The following MS4A5 variants were observed in gnomAD, a reference collection of about 807,000 sequenced individuals.
MS4A5 encodes the protein membrane spanning 4-domains A5.
Under a neutral mutation model 18.2 loss-of-function variants are expected in MS4A5, and 15 were observed. The observed-to-expected ratio is 0.83, with a 90% CI of 0.55 to 1.27. The LOEUF (loss-of-function observed/expected upper bound fraction) is 1.27. Among genes scored for constraint, MS4A5 ranks in the 50% most tolerant of loss-of-function variants. MS4A5 has a pLI of 0.00. For synonymous variants in MS4A5, 89 were observed against 78.7 expected, an observed-to-expected ratio of 1.13 and a Z score of -0.69; for missense variants, 232 against 225.7, an observed-to-expected ratio of 1.03 and a Z score of -0.18.
In MS4A5 at chr11:60,433,928, T is replaced by C; in HGVS notation, c.492+11T>C. 1 of 1,612,968 alleles carries C rather than the reference T, an allele frequency of 6.2e-7. No homozygotes were observed. Among genetic ancestry groups the C allele is most frequent in the East Asian group, 2.2e-5 (1 of 44,856 alleles). ...ACTGTCCTGTTCTTGGTAAGTATGT[T>C]GCATTTATAGAGTGATGAGTAAAGG... On this transcript the variant is annotated intron_variant, in intron 4 of 4. Transcript: ENST00000300190.
At chr11:60,444,553 A>G (rs187369073) in intron 4 of MS4A5, among the ~76,000 whole-genome samples, 12 of 152,346 alleles carry the variant, frequency 7.9e-5, no homozygotes, top group Non-Finnish European at 1.5e-4. Context: ...TCCAGAATAT[A>G]TTAAGCACTC....
rs1343545659 is a variant in MS4A5 at position 60,429,697 on chromosome 11, G to T, written c.23G>T (p.Ser8Ile). 6.2e-7 allele frequency: 1 copy of T among 1,613,574 alleles called. No individual in the cohort carries two copies. Among genetic ancestry groups the T allele is most frequent in the Non-Finnish European group, 8.5e-7 (1 of 1,179,868 alleles). MDSSTAHSPVFLVFPPEI... is the reference protein window; with the variant it reads MDSSTAHIPVFLVFPPEI... ...ATCATGGATTCAAGCACCGCACACA[G>T]TCCGGTGTTTCTGGTATTTCCTCCA... The change falls in exon 1 of 5, where the codon AGT becomes ATT. Residue 8 changes from serine (S) to isoleucine (I), a missense_variant. Physicochemically the swap from Ser to Ile is moderately radical, Grantham distance 142 (BLOSUM62 -2). Transcript: ENST00000300190.
At chr11:60,437,977 TC>T (rs1332671949) in intron 4 of MS4A5, among the ~76,000 whole-genome samples, 1 of 152,170 alleles carries the variant, frequency 6.6e-6, no homozygotes, top group Non-Finnish European at 1.5e-5. Context: ...TACATTTTTT[TC>T]AGCACCACAC....
intron 4 of MS4A5, among the ~76,000 whole-genome samples, chr11:60,441,468 G>GAAAAAGGCAATTAAAAAAAAAAAAGA (rs2086111989): frequency 9.7e-6 from 1 of 103,454 alleles, no homozygotes; most frequent in Non-Finnish European, 2.0e-5. Context: ...AAAAAAAAAA[G>GAAAAAGGCAATTAAAAAAAAAAAAGA]AAAAAAAAAG....
In MS4A5 at chr11:60,432,452, A is replaced by C; in HGVS notation, c.324A>C (p.Lys108Asn). 6.3e-7 allele frequency: 1 copy of C among 1,588,998 alleles called. No individual in the cohort carries two copies. The highest frequency in any genetic ancestry group is 8.6e-7 in the Non-Finnish European group (1 of 1,159,884). ...SGAFLIAVKR[K>N]TTETLIILSR... ...CCTTCCTAATTGCAGTGAAAAGAAA[A>C]ACCACAGAAACTCTGGTGAGTTATA... The change falls in exon 3 of 5, where the codon AAA (lysine) becomes AAC (asparagine). Residue 108 changes from lysine (K) to asparagine (N), a missense_variant. Lys to Asn is a moderately conservative substitution (Grantham distance 94). Transcript: ENST00000300190.
chr11:60,433,974 T>C, intron 4 of MS4A5, 57 bp downstream of exon 4: 1 of 1,456,722 alleles, frequency 6.9e-7, no homozygotes. Context: ...AAATATTTAT[T>C]AGCACTCAAT....
chr11:60,431,332 A>C (rs2086047479), intron 2 of MS4A5, among the ~76,000 whole-genome samples: 1 of 152,242 alleles, frequency 6.6e-6, no homozygotes. Flanking sequence ...GTAAGCAGAG[A>C]TGAAGGAGCA....
chr11:60,437,647 A>C (rs1307553898), intron 4 of MS4A5, among the ~76,000 whole-genome samples: 1 of 150,358 alleles, frequency 6.7e-6, no homozygotes, highest in African/African-American at 2.4e-5. Context: ...AACAGACTTT[A>C]AATCAACAAA....
At chr11:60,445,256 A>G (rs1423082736) in intron 4 of MS4A5, among the ~76,000 whole-genome samples, 1 of 151,422 alleles carries the variant, frequency 6.6e-6, no homozygotes, top group African/African-American at 2.4e-5. Flanking sequence ...GAGATAAAAG[A>G]CATTTCTTCT....
chr11:60,433,842 C>A lies in MS4A5; in HGVS notation c.417C>A (p.Phe139Leu), dbSNP rs1200811533. Residue 139 changes from phenylalanine (F) to leucine (L), a missense_variant, in exon 4 of 5, where the codon TTC becomes TTA. Physicochemically the swap from Phe to Leu is conservative, Grantham distance 22. Coordinates refer to ENST00000300190, the MANE Select transcript of MS4A5 (RefSeq NM_023945.3). Reference protein sequence around the residue: ...IAGIILLTFGFILDQNYICGY... With the variant: ...IAGIILLTFGLILDQNYICGY... ...GAATCATTCTCCTCACATTTGGTTT[C>A]ATCCTAGATCAAAACTACATTTGTG... 1.2e-6 allele frequency: 2 copies of A among 1,613,766 alleles called. No homozygotes were observed. Among genetic ancestry groups the A allele is most frequent in the Non-Finnish European group, 8.5e-7 (1 of 1,179,792 alleles).
intron 3 of MS4A5, among the ~76,000 whole-genome samples, chr11:60,433,345 TA>T (rs2086061570): frequency 6.6e-6 from 1 of 152,236 alleles, no homozygotes; most frequent in Non-Finnish European, 1.5e-5. Flanking sequence ...CAAAAGATTT[TA>T]GCAAAGGACT....
In MS4A5 at chr11:60,429,819, A is replaced by ATCTTAGGGGTAAGTAAGACTTGCCC; in HGVS notation, c.146_153+17dup. 1 of 1,613,602 alleles carries ATCTTAGGGGTAAGTAAGACTTGCCC rather than the reference A, an allele frequency of 6.2e-7. No homozygotes were observed. The highest frequency in any genetic ancestry group is 8.5e-7 in the Non-Finnish European group (1 of 1,179,914). ...AAAATTATTTGCTAGAAAAATGAAA[A>ATCTTAGGGGTAAGTAAGACTTGCCC]TCTTAGGGGTAAGTAAGACTTGCCC... On this transcript the variant is annotated frameshift_variant, in exon 1 of 5. Coordinates refer to ENST00000300190, the MANE Select transcript of MS4A5 (RefSeq NM_023945.3). LOFTEE classifies it high-confidence loss of function.
In MS4A5 at chr11:60,435,542, G is replaced by A. The variant is rs948799342; in HGVS notation, c.492+1625G>A. 23 of 369,992 alleles carry A rather than the reference G, an allele frequency of 6.2e-5. No homozygotes were observed. In the East Asian group the frequency reaches 1.5e-3, roughly 25 times the overall value. The allele number at this position is 369,992 out of a possible 1,614,324, so 22.9% of individuals were successfully genotyped here. On this transcript the variant is annotated intron_variant, in intron 4 of 4. Coordinates refer to ENST00000300190, the MANE Select transcript of MS4A5 (RefSeq NM_023945.3). ...TACCCGGTTCATCTCACTAGGGAGT[G>A]CCAGACAGTGGGCGCAGGTCAGTGG...
chr11:60,445,530 G>T (rs2086134265), intron 4 of MS4A5, among the ~76,000 whole-genome samples: 1 of 152,078 alleles, frequency 6.6e-6, no homozygotes, highest in African/African-American at 2.4e-5. Context: ...AAAGTGCTAG[G>T]ATTACAGGCA....
Position 60,433,884 on chromosome 11 carries a change from TAGTC to T in MS4A5, c.463_466del (p.Gln155ValfsTer12). ...ACATTTGTGGTTATTCTCACCAAAA[TAGTC>T]AGTGTAAGGCTGTTACTGTCCTGTT... On this transcript the variant is annotated frameshift_variant, in exon 4 of 5. Transcript: ENST00000300190. LOFTEE classifies it low-confidence loss of function (END_TRUNC). 6.2e-7 allele frequency: 1 copy of T among 1,614,182 alleles called. No individual in the cohort carries two copies. Among genetic ancestry groups the T allele is most frequent in the Non-Finnish European group, 8.5e-7 (1 of 1,180,004 alleles).
intron 4 of MS4A5, among the ~76,000 whole-genome samples, chr11:60,437,983 C>T (rs1303881439): frequency 6.6e-6 from 1 of 152,068 alleles, no homozygotes; most frequent in Admixed American, 6.5e-5. Flanking sequence ...TTTTTCAGCA[C>T]CACACCACAC....
At chr11:60,446,770 C>T (rs1252643064) in intron 4 of MS4A5, among the ~76,000 whole-genome samples, 5 of 151,446 alleles carry the variant, frequency 3.3e-5, no homozygotes, top group South Asian at 2.1e-4. Context: ...ACCAAAAAAA[C>T]GGTGAACTAC....
chr11:60,430,236 A>G (rs2086040840), intron 1 of MS4A5, among the ~76,000 whole-genome samples: 2 of 146,904 alleles, frequency 1.4e-5, no homozygotes, highest in Non-Finnish European at 3.0e-5. Context: ...AGTGCATCAC[A>G]TGAGTGGCTC....
chr11:60,441,409 C>G (rs1246906360), intron 4 of MS4A5, among the ~76,000 whole-genome samples: 1 of 108,578 alleles, frequency 9.2e-6, no homozygotes, highest in Non-Finnish European at 1.9e-5. Flanking sequence ...GCACATGTAC[C>G]CTAAAACTTA....
Sources: gnomAD v4.1 joint callset for allele counts (sites outside exome capture counted in the v4.1 genomes callset) on GRCh38, gnomAD v4.1.1 for gene constraint, MANE v1.5 for transcripts, NCBI Gene and HGNC (gene_info 2026-07-23, HGNC 2026-07-21) for gene names.